The following ITGBL1 variants were observed in gnomAD, a reference collection of about 807,000 sequenced individuals.
ITGBL1 encodes the protein integrin subunit beta like 1.
Under a neutral mutation model 68.5 loss-of-function variants are expected in ITGBL1, and 51 were observed. That is an observed-to-expected ratio of 0.74 (90% CI 0.59 to 0.94). ITGBL1 has a LOEUF of 0.94. Ranked by LOEUF, ITGBL1 falls within the 40% of genes least tolerant of loss-of-function variation. The pLI is 0.00. For missense variants in ITGBL1, 649 were observed against 647.4 expected, an observed-to-expected ratio of 1.00 and a Z score of -0.03; for synonymous variants, 209 against 227.3, an observed-to-expected ratio of 0.92 and a Z score of 0.72.
intron 7 of ITGBL1, among the ~76,000 whole-genome samples, chr13:101,638,450 A>G (rs1307356082): frequency 1.3e-5 from 2 of 150,952 alleles, no homozygotes; most frequent in Non-Finnish European, 2.9e-5. Flanking sequence ...AAAAAAAACT[A>G]TTTGTATTAG....
At chr13:101,491,617 CT>C (rs1355045890) in intron 2 of ITGBL1, among the ~76,000 whole-genome samples, 3 of 149,502 alleles carry the variant, frequency 2.0e-5, no homozygotes, top group Non-Finnish European at 4.4e-5. Flanking sequence ...GCATTGCTTT[CT>C]TTTTCTTTAT....
Position 101,655,807 on chromosome 13 carries a change from A to G in ITGBL1, c.1016-36778A>G, listed in dbSNP as rs117652882. On this transcript the variant is annotated intron_variant, in intron 7 of 10. Coordinates refer to ENST00000376180, the MANE Select transcript of ITGBL1 (RefSeq NM_004791.3). ...CACAAGTGATAATTGGCAATGCCCA[A>G]AGAGATGCTATGAAAGCCTTAATAT... Among the ~76,000 whole-genome samples the G allele has an allele frequency of 2.1e-3, 318 of 152,328 alleles. 2 individuals are homozygous for G. The highest frequency in any genetic ancestry group is 3.3e-3 in the Admixed American group (50 of 15,310).
intron 2 of ITGBL1, among the ~76,000 whole-genome samples, chr13:101,566,925 G>A (rs771807267): frequency 4.1e-4 from 62 of 152,088 alleles, no homozygotes; most frequent in Admixed American, 1.2e-3. Context: ...AATCACATCA[G>A]CTTCTTTGTA....
intron 2 of ITGBL1, among the ~76,000 whole-genome samples, chr13:101,557,198 T>C (rs1026082240): frequency 6.6e-6 from 1 of 152,190 alleles, no homozygotes. Context: ...AGAATATTAT[T>C]AATGTTTATC....
At chr13:101,620,476 A>G (rs1299784496) in intron 7 of ITGBL1, among the ~76,000 whole-genome samples, 2 of 152,202 alleles carry the variant, frequency 1.3e-5, no homozygotes, top group East Asian at 3.8e-4. Flanking sequence ...TGAGCATTAT[A>G]GGATGCATAC....
At chr13:101,518,800 T>TAC (rs1361184257) in intron 2 of ITGBL1, among the ~76,000 whole-genome samples, 1 of 152,168 alleles carries the variant, frequency 6.6e-6, no homozygotes, top group African/African-American at 2.4e-5. Flanking sequence ...ACCATATTAG[T>TAC]ACATTGTAAA....
chr13:101,605,579 C>T (rs995184146), intron 7 of ITGBL1, among the ~76,000 whole-genome samples: 1 of 151,058 alleles, frequency 6.6e-6, no homozygotes, highest in Non-Finnish European at 1.5e-5. Flanking sequence ...CGTATATATA[C>T]ACGTATTTAG....
chr13:101,714,559 A>G lies in ITGBL1; in HGVS notation c.1393+8A>G, dbSNP rs2034628448. The G allele has an allele frequency of 6.6e-7, 1 of 1,505,586 alleles. No homozygotes were observed. The highest frequency in any genetic ancestry group is 9.2e-7 in the Non-Finnish European group (1 of 1,081,586). The allele number at this position is 1,505,586 out of a possible 1,614,324, so 93.3% of individuals were successfully genotyped here. A position where few individuals can be genotyped will look rare whatever the true frequency, so the allele number is the denominator to read the frequency against. The stretch of plus-strand genomic sequence containing the variant: ...ATGGTCTCATTTGTACAGGTGCAGT[A>G]TTAACCTTTTCTAATTGCTCTATGC... On this transcript the variant is annotated splice_region_variant and intron_variant, in intron 10 of 10. Transcript: ENST00000376180.
intron 2 of ITGBL1, among the ~76,000 whole-genome samples, chr13:101,499,158 G>A (rs1403638374): frequency 6.6e-6 from 1 of 152,102 alleles, no homozygotes; most frequent in Non-Finnish European, 1.5e-5. Context: ...TGTGTTATCT[G>A]TGCTCTAAGT....
chr13:101,687,219 TATCTA>T (rs1241279045), intron 7 of ITGBL1, among the ~76,000 whole-genome samples: 2 of 151,998 alleles, frequency 1.3e-5, no homozygotes, highest in South Asian at 4.1e-4. Context: ...TGTACTCCCA[TATCTA>T]ATCGTGTATT....
At chr13:101,465,416 C>A (rs982964468) in intron 2 of ITGBL1, among the ~76,000 whole-genome samples, 1 of 152,056 alleles carries the variant, frequency 6.6e-6, no homozygotes, top group Non-Finnish European at 1.5e-5. Flanking sequence ...ATCTTTGAGG[C>A]AATAATAGCT....
intron 2 of ITGBL1, among the ~76,000 whole-genome samples, chr13:101,493,410 G>A (rs989792891): frequency 6.6e-6 from 1 of 151,678 alleles, no homozygotes; most frequent in African/African-American, 2.4e-5. Context: ...CTCTTATTAC[G>A]ATTCTCAATA....
chr13:101,614,980 A>G (rs1470568474), intron 7 of ITGBL1, among the ~76,000 whole-genome samples: 2 of 152,160 alleles, frequency 1.3e-5, no homozygotes, highest in African/African-American at 4.8e-5. Flanking sequence ...GCAAAAACAA[A>G]TGACCACATA....
At chr13:101,664,522 TGTAAG>T (rs2033166650) in intron 7 of ITGBL1, among the ~76,000 whole-genome samples, 1 of 152,206 alleles carries the variant, frequency 6.6e-6, no homozygotes, top group Non-Finnish European at 1.5e-5. Flanking sequence ...ATGTCTATAA[TGTAAG>T]GTAAGGGTTA....
intron 2 of ITGBL1, among the ~76,000 whole-genome samples, chr13:101,560,891 G>T (rs775029937): frequency 6.6e-6 from 1 of 152,170 alleles, no homozygotes; most frequent in East Asian, 1.9e-4. Flanking sequence ...TATTTGCAAA[G>T]TGTCTGTAAG....
At chr13:101,707,043 T>A in intron 9 of ITGBL1, 141 bp downstream of exon 9, 1 of 782,794 alleles carries the variant, frequency 1.3e-6, no homozygotes, top group Non-Finnish European at 2.0e-6. Context: ...AACTTGAAGC[T>A]TGAAGATTAA....
chr13:101,704,651 C>T (rs1463111926), intron 8 of ITGBL1, among the ~76,000 whole-genome samples: 1 of 151,952 alleles, frequency 6.6e-6, no homozygotes, highest in Admixed American at 6.6e-5. Context: ...TTGAAAGAGA[C>T]AAGAATTAAG....
intron 2 of ITGBL1, among the ~76,000 whole-genome samples, chr13:101,563,290 A>G (rs7997922): frequency 1.0e-3 from 153 of 151,590 alleles, no homozygotes; most frequent in African/African-American, 3.5e-3. Flanking sequence ...GAAGAAAATA[A>G]TAAAGATTAG....
intron 7 of ITGBL1, among the ~76,000 whole-genome samples, chr13:101,638,115 T>G (rs2032237229): frequency 6.6e-6 from 1 of 152,216 alleles, no homozygotes; most frequent in South Asian, 2.1e-4. Context: ...CAGAGTTTTT[T>G]GAGAGGCTCT....
Sources: gnomAD v4.1 joint callset for allele counts (sites outside exome capture counted in the v4.1 genomes callset) on GRCh38, gnomAD v4.1.1 for gene constraint, MANE v1.5 for transcripts, NCBI Gene and HGNC (gene_info 2026-07-23, HGNC 2026-07-21) for gene names.